C6: variants seen among roughly 807,000 people sequenced by gnomAD.
C6 encodes the protein complement C6.
A neutral mutation model predicts 112.9 loss-of-function variants in C6; 101 were observed. The observed-to-expected ratio is 0.89, with a 90% CI of 0.76 to 1.06. The LOEUF is 1.06. Ranked by LOEUF, C6 falls within the 50% of genes least tolerant of loss-of-function variation. The pLI is 0.00. For synonymous variants in C6, 431 were observed against 384.1 expected (o/e 1.12, Z -1.43); for missense variants, 1,202 against 1,104.6 (o/e 1.09, Z -1.25).
chr5:41,168,403 G>A (rs982986624), intron 9 of C6, among the ~76,000 whole-genome samples: 2 of 152,086 alleles, frequency 1.3e-5, no homozygotes, highest in Admixed American at 6.6e-5. Context: ...GAGGGTCAAA[G>A]AATAATAACA....
chr5:41,247,930 A>T (rs966329323), intron 1 of C6, among the ~76,000 whole-genome samples: 1 of 152,192 alleles, frequency 6.6e-6, no homozygotes, highest in African/African-American at 2.4e-5. Flanking sequence ...ACTTCAGATT[A>T]TACTATAAAC....
At chr5:41,236,904 A>G (rs370013237) in intron 1 of C6, among the ~76,000 whole-genome samples, 300 of 147,116 alleles carry the variant, frequency 2.0e-3, no homozygotes, top group African/African-American at 7.1e-3. Context: ...TATCACCACC[A>G]ATCCCACAGA....
At chr5:41,206,779 G>A (rs1361625067) in intron 1 of C6, among the ~76,000 whole-genome samples, 1 of 152,166 alleles carries the variant, frequency 6.6e-6, no homozygotes, top group African/African-American at 2.4e-5. Context: ...CAGGGCGAGT[G>A]GAACCGAGTT....
At position 41,159,443 on chromosome 5, in the gene C6, C is replaced by G. The variant is rs1333581290; in HGVS notation, c.1685-190G>C. On this transcript the variant is annotated intron_variant, in intron 11 of 17. Transcript: ENST00000337836. The stretch of plus-strand genomic sequence containing the variant: ...ACACATTGCCTGATTTCCTTTTAGA[C>G]TTTGTTCCCATAAGCCTAAATAAAA... The G allele has an allele frequency of 8.1e-6, 8 of 985,098 alleles. No individual in the cohort carries two copies. In the East Asian group the frequency reaches 7.9e-4, roughly 98 times the overall value. The allele number at this position is 985,098 out of a possible 1,614,324, so 61.0% of individuals were successfully genotyped here. A position where few individuals can be genotyped will look rare whatever the true frequency, so the allele number is the denominator to read the frequency against.
chr5:41,194,759 T>C lies in C6; in HGVS notation c.587+1033A>G, dbSNP rs368103310. 4.0e-4 allele frequency among the ~76,000 whole-genome samples: 61 copies of C among 152,336 alleles called. No individual in the cohort carries two copies. The East Asian group carries it at 8.7e-3, about 22-fold the overall frequency. On this transcript the variant is annotated intron_variant, in intron 5 of 17. Transcript: ENST00000337836. ...GTTTCAAATTAAGGCTCAGTTTTTC[T>C]GTTTTCATAGCCTTCTCTTATATTT...
chr5:41,185,730 G>A (rs956327900), intron 6 of C6, among the ~76,000 whole-genome samples: 3 of 152,112 alleles, frequency 2.0e-5, no homozygotes, highest in African/African-American at 4.8e-5. Context: ...AGAAAATTCT[G>A]AAGAAATCAA....
At chr5:41,210,799 C>G (rs1407147205) in intron 1 of C6, among the ~76,000 whole-genome samples, 3 of 152,166 alleles carry the variant, frequency 2.0e-5, no homozygotes. Flanking sequence ...GGACTGTAAA[C>G]TAGTTCAACC....
chr5:41,213,574 C>T (rs920701413), upstream of C6: 40 of 985,066 alleles, frequency 4.1e-5, no homozygotes, highest in Middle Eastern at 5.2e-4. Context: ...TTCTCTGGAA[C>T]TTGAACTTTG....
intron 1 of C6, among the ~76,000 whole-genome samples, chr5:41,245,515 AAT>A (rs1344623636): frequency 1.3e-5 from 2 of 151,958 alleles, no homozygotes; most frequent in Admixed American, 1.3e-4. Context: ...GAAAAAAAAA[AAT>A]TTAACAAGAT....
At chr5:41,223,973 A>G (rs760271789) in intron 1 of C6, among the ~76,000 whole-genome samples, 2 of 152,156 alleles carry the variant, frequency 1.3e-5, no homozygotes, top group African/African-American at 4.8e-5. Flanking sequence ...TATGTTTAGA[A>G]TATTCTTTAC....
At chr5:41,167,266 G>T (rs375887326) in intron 9 of C6, among the ~76,000 whole-genome samples, 2 of 152,028 alleles carry the variant, frequency 1.3e-5, no homozygotes, top group East Asian at 3.9e-4. Flanking sequence ...GCTCTTGAGA[G>T]AGAAAAAGAA....
intron 3 of C6, 36 bp downstream of exon 3, chr5:41,201,522 G>C: frequency 6.3e-7 from 1 of 1,599,428 alleles, no homozygotes; most frequent in Non-Finnish European, 8.6e-7. Flanking sequence ...CCTCTATTGT[G>C]ATTCATATTT....
intron 5 of C6, among the ~76,000 whole-genome samples, chr5:41,194,406 G>C (rs903862168): frequency 4.6e-5 from 7 of 152,114 alleles, no homozygotes; most frequent in African/African-American, 1.4e-4. Flanking sequence ...AACCAGCTGA[G>C]TTATTTAGAA....
chr5:41,195,648 A>G (rs1750553033), intron 5 of C6, 144 bp downstream of exon 5: 2 of 882,974 alleles, frequency 2.3e-6, no homozygotes, highest in Non-Finnish European at 3.8e-6. Flanking sequence ...CCTCCTGAAC[A>G]TGGTAGCTAA....
In C6 at chr5:41,176,616, T is replaced by C. The variant is rs768904195; in HGVS notation, c.1027A>G (p.Asn343Asp). The change falls in exon 8 of 18, where the codon AAC becomes GAC. Residue 343 changes from asparagine (N) to aspartate (D), a missense_variant. Coordinates refer to ENST00000337836, the MANE Select transcript of C6 (RefSeq NM_000065.5). ...GAGTTGTATTCTAGAGGCAGATGGT[T>C]AAGTGCTTTCAAAAAGACATCAGAA... ...HLSDVFLKAL[N>D]HLPLEYNSAL... 3.1e-6 allele frequency: 5 copies of C among 1,613,962 alleles called. No individual in the cohort carries two copies. The East Asian group carries it at 6.7e-5, about 22-fold the overall frequency.
upstream of C6, among the ~76,000 whole-genome samples, chr5:41,216,515 C>T (rs111762313): frequency 6.1e-3 from 935 of 152,188 alleles, 8 homozygotes; most frequent in African/African-American, 0.021. Context: ...TCCTAGTCCA[C>T]CTGTCTTAGT....
intron 5 of C6, among the ~76,000 whole-genome samples, chr5:41,193,924 G>T (rs1750414137): frequency 1.3e-5 from 2 of 151,830 alleles, no homozygotes; most frequent in African/African-American, 4.8e-5. Context: ...CTCTGGGGAG[G>T]CAAGGAGAGG....
intron 7 of C6, among the ~76,000 whole-genome samples, chr5:41,179,388 A>T (rs1749131325): frequency 6.6e-6 from 1 of 152,084 alleles, no homozygotes; most frequent in African/African-American, 2.4e-5. Context: ...TCATACAAAC[A>T]TGTCTATCTA....
chr5:41,225,828 C>T lies in C6; in HGVS notation c.-20-22578G>A, dbSNP rs539203494. 2.3e-3 allele frequency among the ~76,000 whole-genome samples: 352 copies of T among 152,182 alleles called. 2 individuals carry two copies. The highest frequency in any genetic ancestry group is 8.3e-3 in the African/African-American group (343 of 41,516). The stretch of plus-strand genomic sequence containing the variant: ...CTACAACTATCTGATCTTTGACAAA[C>T]CTGACAAAAACAAGCAATGGGGAAA... On this transcript the variant is annotated intron_variant, in intron 1 of 17. Transcript: ENST00000263413.
Sources: allele counts gnomAD v4.1 joint callset (sites outside exome capture counted in the v4.1 genomes callset), GRCh38; gene constraint gnomAD v4.1.1; transcripts MANE v1.5; gene names NCBI Gene and HGNC (gene_info 2026-07-23, HGNC 2026-07-21).